Variants in MAGI1 observed in about 807,000 individuals in gnomAD.
MAGI1 encodes membrane associated guanylate kinase, WW and PDZ domain containing 1, also known as membrane-associated guanylate kinase, WW and PDZ domain-containing protein 1.
A neutral mutation model predicts 139.9 loss-of-function variants in MAGI1; 58 were observed. The ratio of observed to expected loss-of-function variants is 0.41; its 90% CI spans 0.34 to 0.52. The LOEUF (loss-of-function observed/expected upper bound fraction) is 0.52, where lower values mean the gene tolerates loss of function less well. Among genes scored for constraint, MAGI1 ranks in the 20% least tolerant of loss-of-function variants. MAGI1 has a pLI of 0.12. For synonymous variants in MAGI1, 812 were observed against 737.9 expected (o/e 1.10, Z -1.63); for missense variants, 1,874 against 1,901.6 (o/e 0.99, Z 0.27).
Position 65,461,920 on chromosome 3 carries a change from C to T in MAGI1, c.959+8363G>A, listed in dbSNP as rs143247921. 5.1e-3 allele frequency among the ~76,000 whole-genome samples: 780 copies of T among 152,224 alleles called. 4 individuals are homozygous for T. Among genetic ancestry groups the T allele is most frequent in the Middle Eastern group, 0.02 (6 of 294 alleles). On this transcript the variant is annotated intron_variant, in intron 5 of 22. Coordinates refer to ENST00000402939, the MANE Select transcript of MAGI1 (RefSeq NM_001033057.2). ...ACATATTTGTTGGCCACATAAATGT[C>T]TTCTTTTGAAAAGTGTCTGTTCATA... is the stretch of plus-strand genomic sequence containing the variant.
chr3:65,459,491 GCTT>G (rs1180480526), intron 5 of MAGI1, among the ~76,000 whole-genome samples: 4 of 151,978 alleles, frequency 2.6e-5, no homozygotes, highest in African/African-American at 9.7e-5. Flanking sequence ...TGCTGAACTC[GCTT>G]ATTATAAAAT....
At chr3:65,801,883 G>A (rs1015418570) in intron 1 of MAGI1, among the ~76,000 whole-genome samples, 3 of 152,112 alleles carry the variant, frequency 2.0e-5, no homozygotes, top group African/African-American at 7.2e-5. Context: ...ACAGCAGGAT[G>A]GGGGCAGTAA....
intron 1 of MAGI1, among the ~76,000 whole-genome samples, chr3:65,950,914 G>A (rs771066618): frequency 5.4e-5 from 8 of 149,346 alleles, no homozygotes; most frequent in South Asian, 2.1e-4. Flanking sequence ...GTCTTGGACC[G>A]CACATAAAAT....
chr3:65,589,120 A>G (rs1559697605), intron 2 of MAGI1, among the ~76,000 whole-genome samples: 1 of 152,228 alleles, frequency 6.6e-6, no homozygotes. Flanking sequence ...TTCCTGCAGT[A>G]TGTGGACAGA....
intron 3 of MAGI1, among the ~76,000 whole-genome samples, chr3:65,491,652 T>C (rs1401642662): frequency 6.6e-6 from 1 of 152,074 alleles, no homozygotes; most frequent in African/African-American, 2.4e-5. Context: ...GAGGACAGCA[T>C]GCTGACAACA....
intron 1 of MAGI1, among the ~76,000 whole-genome samples, chr3:65,876,510 T>C (rs2060124316): frequency 6.6e-6 from 1 of 152,000 alleles, no homozygotes; most frequent in Non-Finnish European, 1.5e-5. Context: ...TTACCAGGGA[T>C]AACAGAAAAT....
At chr3:65,500,655 T>C (rs544614323) in intron 2 of MAGI1, among the ~76,000 whole-genome samples, 1 of 152,306 alleles carries the variant, frequency 6.6e-6, no homozygotes, top group South Asian at 2.1e-4. Flanking sequence ...GATAAGCCAT[T>C]TCCCACTGCT....
intron 1 of MAGI1, among the ~76,000 whole-genome samples, chr3:65,740,435 A>G (rs534857326): frequency 1.3e-5 from 2 of 152,304 alleles, no homozygotes; most frequent in South Asian, 2.1e-4. Flanking sequence ...GTAAACTGAG[A>G]TATTGGGATC....
intron 1 of MAGI1, among the ~76,000 whole-genome samples, chr3:65,664,188 C>A (rs1160740498): frequency 6.6e-6 from 1 of 152,060 alleles, no homozygotes; most frequent in Non-Finnish European, 1.5e-5. Context: ...ATGCTCATAA[C>A]AGGTTCGCCA....
At chr3:65,947,325 C>T (rs191347285) in intron 1 of MAGI1, among the ~76,000 whole-genome samples, 3 of 152,030 alleles carry the variant, frequency 2.0e-5, no homozygotes, top group Admixed American at 2.0e-4. Flanking sequence ...ATTTGTAATA[C>T]CCCAAACAGC....
chr3:65,420,110 T>C (rs1390769777), intron 12 of MAGI1, among the ~76,000 whole-genome samples: 1 of 151,950 alleles, frequency 6.6e-6, no homozygotes, highest in Non-Finnish European at 1.5e-5. Flanking sequence ...ACATTCTTCA[T>C]ATATATGCCA....
intron 1 of MAGI1, among the ~76,000 whole-genome samples, chr3:65,979,294 G>A (rs567903357): frequency 1.3e-5 from 2 of 152,058 alleles, no homozygotes; most frequent in South Asian, 2.1e-4. Context: ...TCACATTCCC[G>A]GGGTGGAAAA....
chr3:65,655,529 C>T (rs2085825944), intron 1 of MAGI1, among the ~76,000 whole-genome samples: 1 of 152,150 alleles, frequency 6.6e-6, no homozygotes. Flanking sequence ...AGAGTTTTCC[C>T]ATTTTCCTCA....
rs2062775265 is a variant in MAGI1, at chr3:65,930,861, T to C, written c.313+107135A>G. 2.0e-5 allele frequency among the ~76,000 whole-genome samples: 3 copies of C among 152,152 alleles called. No homozygotes were observed. The South Asian group carries it at 6.2e-4, about 32-fold the overall frequency. On this transcript the variant is annotated intron_variant, in intron 1 of 22. Coordinates refer to ENST00000402939, the MANE Select transcript of MAGI1 (RefSeq NM_001033057.2). ...AACGTCAGGAAGTTACCGTATATGG[T>C]CTAAAAAGGGAAGAACCCTCAGCTC... is the stretch of plus-strand genomic sequence containing the variant.
rs11369893 is a variant in MAGI1, at chr3:65,661,745, GTTTTTTTTT to G, written c.314-39666_314-39658del. On this transcript the variant is annotated intron_variant, in intron 1 of 22. Coordinates refer to ENST00000402939, the MANE Select transcript of MAGI1 (RefSeq NM_001033057.2). ...TTTTTTTGTTGTTTTGTTTTTTTCT[GTTTTTTTTT>G]TTTTTTTTTTTGAGATGGAGTCTCG... is the stretch of plus-strand genomic sequence containing the variant. 4.8e-3 allele frequency among the ~76,000 whole-genome samples: 451 copies of G among 93,926 alleles called. 3 individuals are homozygous for G. The highest frequency in any genetic ancestry group is 0.018 in the African/African-American group (435 of 23,670). The allele number at this position is 93,926 out of a possible 152,430, so 61.6% of individuals were successfully genotyped here. A position where few individuals can be genotyped will look rare whatever the true frequency, so the allele number is the denominator to read the frequency against.
intron 5 of MAGI1, among the ~76,000 whole-genome samples, chr3:65,459,847 T>C (rs1312226195): frequency 6.6e-6 from 1 of 151,836 alleles, no homozygotes; most frequent in East Asian, 1.9e-4. Flanking sequence ...TCACCTGAGC[T>C]CAGAGAAGTT....
chr3:65,979,096 C>T (rs1257096988), intron 1 of MAGI1, among the ~76,000 whole-genome samples: 3 of 60,388 alleles, frequency 5.0e-5, no homozygotes, highest in Non-Finnish European at 7.8e-5. Flanking sequence ...CTTCCCCCCC[C>T]CCGCCACCCC....
chr3:65,504,120 G>C (rs1201604371), intron 2 of MAGI1, among the ~76,000 whole-genome samples: 1 of 152,198 alleles, frequency 6.6e-6, no homozygotes, highest in Non-Finnish European at 1.5e-5. Flanking sequence ...AGAAGAACCA[G>C]TCTTGATCCA....
intron 2 of MAGI1, among the ~76,000 whole-genome samples, chr3:65,554,729 G>A (rs771275181): frequency 1.3e-5 from 2 of 152,136 alleles, no homozygotes; most frequent in Non-Finnish European, 2.9e-5. Flanking sequence ...CTAGCACAAA[G>A]AACCCTCAGT....
Sources: gnomAD v4.1 joint callset for allele counts (sites outside exome capture counted in the v4.1 genomes callset) on GRCh38, gnomAD v4.1.1 for gene constraint, MANE v1.5 for transcripts, NCBI Gene and HGNC (gene_info 2026-07-23, HGNC 2026-07-21) for gene names.